TTYH3: variants seen among roughly 807,000 people sequenced by gnomAD.
TTYH3 encodes protein tweety homolog 3.
TTYH3 carries 23 observed loss-of-function variants against 68.2 expected under a neutral mutation model. That is an observed-to-expected ratio of 0.34 (90% CI 0.24 to 0.48). The LOEUF (loss-of-function observed/expected upper bound fraction) is 0.48. Ranked by LOEUF, TTYH3 falls within the 20% of genes least tolerant of loss-of-function variation. The probability of loss-of-function intolerance (pLI) is 0.99; values close to 1 mark genes in which losing one functional copy is unlikely to be tolerated. For missense variants in TTYH3, 768 were observed against 727.7 expected (o/e 1.06, Z -0.64); for synonymous variants, 360 against 332.8 (o/e 1.08, Z -0.89).
chr7:2,659,983 A>G (rs754895232), intron 13 of TTYH3: 1 of 1,303,340 alleles, frequency 7.7e-7, no homozygotes, highest in South Asian at 1.2e-5. Flanking sequence ...GCGGGCTGGC[A>G]GTTTAAGCCC....
chr7:2,635,807 T>C (rs1032386562), intron 1 of TTYH3, among the ~76,000 whole-genome samples: 1 of 152,232 alleles, frequency 6.6e-6, no homozygotes, highest in Non-Finnish European at 1.5e-5. Context: ...GAGCCTGGAA[T>C]GCCCAGATGT....
chr7:2,637,910 G>T (rs924175070), intron 1 of TTYH3, among the ~76,000 whole-genome samples: 1 of 152,202 alleles, frequency 6.6e-6, no homozygotes, highest in Admixed American at 6.5e-5. Flanking sequence ...CATGTTGGCC[G>T]AGGGTGTGGG....
Position 2,656,407 on chromosome 7 carries a change from C to A in TTYH3, c.1123C>A (p.Gln375Lys). The A allele has an allele frequency of 6.2e-7, 1 of 1,610,396 alleles. No homozygotes were observed. The change falls in exon 11 of 14, where the codon CAA becomes AAA. Residue 375 changes from glutamine (Q) to lysine (K), a missense_variant. By Grantham distance (53) the Gln-to-Lys change is moderately conservative (BLOSUM62 1). Coordinates refer to ENST00000258796, the MANE Select transcript of TTYH3 (RefSeq NM_025250.3). ...DCRSLHLDYV[Q>K]ALTGFCYDGV... ...CATCCCACGGCCTCAGGACTACGTG[C>A]AAGCGCTGACCGGCTTCTGCTATGA...
intron 5 of TTYH3, chr7:2,648,408 C>T (rs1049562767): frequency 8.7e-6 from 2 of 230,120 alleles, no homozygotes; most frequent in Non-Finnish European, 1.7e-5. Context: ...CATCCTTGGC[C>T]CTGGGGCAGC....
At chr7:2,648,298 G>A (rs377532058) in intron 5 of TTYH3, 14 of 500,464 alleles carry the variant, frequency 2.8e-5, no homozygotes, top group African/African-American at 4.0e-5. Flanking sequence ...GAGTCTGCAC[G>A]TGGGGCACTT....
At chr7:2,660,402 G>GC (rs1210789975) in intron 13 of TTYH3, 6 of 985,394 alleles carry the variant, frequency 6.1e-6, no homozygotes, top group Non-Finnish European at 7.2e-6. Context: ...TGGCCAGCAG[G>GC]CCCTGCCCTG....
At chr7:2,641,580 C>T (rs891253845) in intron 1 of TTYH3, among the ~76,000 whole-genome samples, 5 of 152,260 alleles carry the variant, frequency 3.3e-5, no homozygotes, top group African/African-American at 1.2e-4. Flanking sequence ...ACATCACTTC[C>T]ACCACAGACG....
chr7:2,648,277 A>G, intron 5 of TTYH3: 2 of 541,604 alleles, frequency 3.7e-6, no homozygotes, highest in Non-Finnish European at 6.5e-6. Context: ...CCAGCCCTTG[A>G]TTTCCTGCAA....
At position 2,662,254 on chromosome 7, in the gene TTYH3, C is replaced by T. The variant is rs1456238844; in HGVS notation, c.*515C>T. The stretch of plus-strand genomic sequence containing the variant: ...CCCCGTGGTCCCTCCACGTGCCCAT[C>T]TCTCTGCAGTGCCCTCCTCGCCTGT... On this transcript the variant is annotated 3_prime_UTR_variant, in exon 14 of 14. Coordinates refer to ENST00000258796, the MANE Select transcript of TTYH3 (RefSeq NM_025250.3). 4.9e-6 allele frequency: 1 copy of T among 202,540 alleles called. No homozygotes were observed. Among genetic ancestry groups the T allele is most frequent in the African/African-American group, 2.4e-5 (1 of 42,084 alleles). 12.5% of individuals were successfully genotyped at this position (202,540 alleles called of 1,614,324 possible).
chr7:2,650,595 G>A (rs192016741), intron 7 of TTYH3, among the ~76,000 whole-genome samples: 190 of 151,976 alleles, frequency 1.3e-3, no homozygotes, highest in African/African-American at 4.4e-3. Context: ...AAAAAGTAGA[G>A]CCAGAAGGAC....
At chr7:2,655,665 C>T (rs550396728) in intron 9 of TTYH3, among the ~76,000 whole-genome samples, 2 of 152,380 alleles carry the variant, frequency 1.3e-5, no homozygotes, top group Admixed American at 6.5e-5. Flanking sequence ...TACAGGACTG[C>T]GCTCACTCTG....
Position 2,647,600 on chromosome 7 carries a change from G to A in TTYH3, c.588G>A (p.Glu196=), listed in dbSNP as rs1786034941. 3 of 1,574,442 alleles carry A rather than the reference G, an allele frequency of 1.9e-6. No individual in the cohort carries two copies. In the East Asian group the frequency reaches 7.0e-5, roughly 37 times the overall value. The change falls in exon 4 of 14, where the codon GAG becomes GAA. Residue 196 remains glutamate, a synonymous_variant. Coordinates refer to ENST00000258796, the MANE Select transcript of TTYH3 (RefSeq NM_025250.3). ...GGAGGAACACGGCGGTGTCGCTGGA[G>A]GTGCTGGCGGAGCAGGTGGATCTCT... ...PFWRNTAVSL[E]VLAEQVDLYD... is the part of the protein sequence containing the mutation.
chr7:2,639,788 C>A (rs1785784571), intron 1 of TTYH3, among the ~76,000 whole-genome samples: 1 of 152,208 alleles, frequency 6.6e-6, no homozygotes, highest in Non-Finnish European at 1.5e-5. Flanking sequence ...TGTCCCTTTC[C>A]CTCCTCCAAG....
At position 2,649,906 on chromosome 7, in the gene TTYH3, A is replaced by T. The variant is rs199541952; in HGVS notation, c.796-7A>T. On this transcript the variant is annotated splice_region_variant and splice_polypyrimidine_tract_variant and intron_variant, in intron 6 of 13. Transcript: ENST00000258796. The stretch of plus-strand genomic sequence containing the variant: ...CAACCCCTCTTGCTTGCCCACGCCC[A>T]CCTCAGGGCTCCAGCGACTTCTGTG... 2.6e-5 allele frequency: 42 copies of T among 1,613,362 alleles called. No homozygotes were observed. In the East Asian group the frequency reaches 8.9e-4, roughly 34 times the overall value.
chr7:2,647,378 C>T (rs376725220), intron 3 of TTYH3, 40 bp from the exon 4 acceptor site: 5 of 1,460,806 alleles, frequency 3.4e-6, no homozygotes, highest in Non-Finnish European at 4.5e-6. Context: ...TGGGGCGAGG[C>T]GGGCGCGCTC....
chr7:2,659,009 G>A lies in TTYH3; in HGVS notation c.1494G>A (p.Pro498=), dbSNP rs915696096. The A allele has an allele frequency of 6.2e-6, 10 of 1,613,752 alleles. No individual in the cohort carries two copies. Among genetic ancestry groups the A allele is most frequent in the Admixed American group, 5.0e-5 (3 of 59,966 alleles). The change falls in exon 13 of 14, where the codon CCG becomes CCA. Residue 498 remains proline, a synonymous_variant. Transcript: ENST00000258796. The part of the protein sequence containing the change: ...NTPLIGRESP[P]PSYTSSMRAK... The stretch of plus-strand genomic sequence containing the variant: ...CACTCATTGGGCGCGAGTCCCCGCC[G>A]CCCTCAGTAAGTCTTGGGGCAGGAG...
In TTYH3 at chr7:2,656,115, G is replaced by A. The variant is rs778867136; in HGVS notation, c.1044G>A (p.Glu348=). 40 of 1,561,724 alleles carry A rather than the reference G, an allele frequency of 2.6e-5. No individual in the cohort carries two copies. The highest frequency in any genetic ancestry group is 3.2e-5 in the Non-Finnish European group (37 of 1,152,194). The part of the protein sequence containing the change: ...ATKDPLLRVQ[E]VLNGTEVNLQ... ...AGGACCCCCTCCTCCGCGTCCAGGAGGTGCTGAATGGCACGGAGGTGAACC... is the reference window on the plus strand; with the variant it reads ...AGGACCCCCTCCTCCGCGTCCAGGAAGTGCTGAATGGCACGGAGGTGAACC... Residue 348 remains glutamate (E), a synonymous_variant, in exon 10 of 14, where the codon GAG becomes GAA. Coordinates refer to ENST00000258796, the MANE Select transcript of TTYH3 (RefSeq NM_025250.3).
In TTYH3 at chr7:2,661,718, T is replaced by C. The variant is rs1786502789; in HGVS notation, c.1551T>C (p.Pro517=). The C allele has an allele frequency of 1.2e-6, 2 of 1,611,308 alleles. 1 individual carries two copies. Among genetic ancestry groups the C allele is most frequent in the South Asian group, 2.2e-5 (2 of 90,988 alleles). Residue 517 remains proline, a synonymous_variant, in exon 14 of 14, where the codon CCT becomes CCC. Transcript: ENST00000258796. ...ACCTCGCCACGAGCCAGCCTCGCCC[T>C]GACTCCAGCGGCAGCCACTAGACCG... ...AKYLATSQPR[P]DSSGSH
At chr7:2,636,620 T>TG (rs1785662998) in intron 1 of TTYH3, among the ~76,000 whole-genome samples, 1 of 152,080 alleles carries the variant, frequency 6.6e-6, no homozygotes, top group Non-Finnish European at 1.5e-5. Flanking sequence ...TGAACTAGGC[T>TG]GGGGGTGTAC....
Sources: allele counts gnomAD v4.1 joint callset (sites outside exome capture counted in the v4.1 genomes callset), GRCh38; gene constraint gnomAD v4.1.1; transcripts MANE v1.5; gene names NCBI Gene and HGNC (gene_info 2026-07-23, HGNC 2026-07-21).